TENM3: variants seen among roughly 807,000 people sequenced by gnomAD.
TENM3 encodes teneurin-3.
In TENM3, 63 loss-of-function variants were observed where a neutral mutation model predicts 255.1. The ratio of observed to expected loss-of-function variants is 0.25; its 90% CI spans 0.20 to 0.30. The LOEUF (loss-of-function observed/expected upper bound fraction) is 0.30. Ranked by LOEUF, TENM3 falls within the 10% of genes least tolerant of loss-of-function variation. The pLI is 1.00. For missense variants in TENM3, 2,929 were observed against 3,461.1 expected (o/e 0.85, Z 3.86); for synonymous variants, 1,306 against 1,322.3 (o/e 0.99, Z 0.27).
the TENM3 span, among the ~76,000 whole-genome samples, chr4:181,621,630 A>C: frequency 6.6e-6 from 1 of 152,342 alleles, no homozygotes; most frequent in Admixed American, 6.5e-5. Context: ...CACACAAAAA[A>C]ATCATTTAAT....
rs1439322633 is a variant in TENM3 at position 182,793,330 on chromosome 4, G to A, written c.6658G>A (p.Gly2220Ser). 1 of 1,613,668 alleles carries A rather than the reference G, an allele frequency of 6.2e-7. No individual in the cohort carries two copies. Among genetic ancestry groups the A allele is most frequent in the East Asian group, 2.2e-5 (1 of 44,890 alleles). Residue 2220 changes from glycine to serine, a missense_variant, in exon 26 of 28, where the codon GGC (glycine) becomes AGC (serine). By Grantham distance (56) the Gly-to-Ser change is moderately conservative. Around this residue, in one of 6 missense-constraint regions of TENM3, gnomAD observed 256 missense variants for 389.3 expected, o/e 0.66. Coordinates refer to ENST00000511685, the MANE Select transcript of TENM3 (RefSeq NM_001080477.4). The surrounding 1 kb of genome is among the most constrained non-coding windows in gnomAD (Gnocchi z 5.7). ...KGLLTRVYSK[G>S]SGWTVIYRYD... ...GCTTCTAACTCGAGTTTACAGTAAA[G>A]GCAGTGGCTGGACAGTGATCTACCG...
At chr4:181,490,502 A>G in the TENM3 span, among the ~76,000 whole-genome samples, 2 of 152,328 alleles carry the variant, frequency 1.3e-5, no homozygotes, top group African/African-American at 4.8e-5. Flanking sequence ...ATCAGTTAAT[A>G]CAATAAAGCA....
At chr4:182,597,943 G>A (rs1747426951) in intron 3 of TENM3, among the ~76,000 whole-genome samples, 1 of 152,186 alleles carries the variant, frequency 6.6e-6, no homozygotes, top group African/African-American at 2.4e-5. Flanking sequence ...ACCTTCAGAG[G>A]CCAAGGCTGG....
the TENM3 span, among the ~76,000 whole-genome samples, chr4:181,588,114 C>T: frequency 6.6e-6 from 1 of 152,090 alleles, no homozygotes; most frequent in African/African-American, 2.4e-5. Flanking sequence ...CCAGACATGC[C>T]AAGTTGCCCA....
At chr4:181,994,126 G>C in the TENM3 span, among the ~76,000 whole-genome samples, 1 of 152,126 alleles carries the variant, frequency 6.6e-6, no homozygotes, top group South Asian at 2.1e-4. Context: ...CAATTGTAAA[G>C]TTGTAATGAA....
At chr4:181,878,743 CCATCCATCCATCCATGCGTG>C in the TENM3 span, among the ~76,000 whole-genome samples, 1 of 151,748 alleles carries the variant, frequency 6.6e-6, no homozygotes, top group Non-Finnish European at 1.5e-5. Context: ...TATCATCTTC[CCATCCATCCATCCATGCGTG>C]CATCCATCCA....
At chr4:181,997,497 T>C in the TENM3 span, among the ~76,000 whole-genome samples, 219 of 152,260 alleles carry the variant, frequency 1.4e-3, no homozygotes, top group Non-Finnish European at 2.5e-3. Flanking sequence ...AGATGCCTAG[T>C]TGTGTGGCTC....
At chr4:182,745,345 T>C (rs1220137901) in intron 19 of TENM3, among the ~76,000 whole-genome samples, 1 of 152,236 alleles carries the variant, frequency 6.6e-6, no homozygotes, top group African/African-American at 2.4e-5. Context: ...GCTCTGCTAT[T>C]AGAAACCACA....
At chr4:182,240,800 A>G (rs2150063191), upstream of TENM3, among the ~76,000 whole-genome samples, 1 of 152,264 alleles carries the variant, frequency 6.6e-6, no homozygotes, top group East Asian at 1.9e-4. Flanking sequence ...CTGGGATGGA[A>G]TGCAGCTCCA....
intron 3 of TENM3, among the ~76,000 whole-genome samples, chr4:182,509,017 C>T (rs1464330476): frequency 6.6e-6 from 1 of 152,152 alleles, no homozygotes; most frequent in South Asian, 2.1e-4. Flanking sequence ...GCTTCTGATG[C>T]ACATGTAAAT....
At chr4:182,587,767 A>G (rs775093105) in intron 3 of TENM3, among the ~76,000 whole-genome samples, 1 of 152,116 alleles carries the variant, frequency 6.6e-6, no homozygotes, top group Admixed American at 6.5e-5. Context: ...TTATTTTTAC[A>G]ATTTGTTTAA....
intron 1 of TENM3, among the ~76,000 whole-genome samples, chr4:182,161,915 G>A (rs1333628587): frequency 0.35 from 1,991 of 5,708 alleles, 593 homozygotes; most frequent in Admixed American, 0.4. Flanking sequence ...ACACACACAT[G>A]TATGTGTATA....
the TENM3 span, among the ~76,000 whole-genome samples, chr4:181,836,498 T>C: frequency 3.3e-5 from 5 of 152,206 alleles, no homozygotes; most frequent in Non-Finnish European, 7.3e-5. Context: ...CAATTTCTTT[T>C]TTCATATGAA....
At chr4:181,842,545 C>T in the TENM3 span, among the ~76,000 whole-genome samples, 2 of 152,296 alleles carry the variant, frequency 1.3e-5, no homozygotes, top group East Asian at 1.9e-4. Context: ...ACTCCCTTTT[C>T]GCTGTTGCTT....
At chr4:182,505,527 G>A (rs1170884087) in intron 3 of TENM3, among the ~76,000 whole-genome samples, 1 of 151,942 alleles carries the variant, frequency 6.6e-6, no homozygotes, top group African/African-American at 2.4e-5. Context: ...TGCCCAGGCT[G>A]GAGTGCAATG....
chr4:181,794,271 T>TTGTG, the TENM3 span, among the ~76,000 whole-genome samples: 1 of 151,830 alleles, frequency 6.6e-6, no homozygotes, highest in Non-Finnish European at 1.5e-5. Context: ...ATCCTTGTGA[T>TTGTG]TGTGTGTGTG....
chr4:182,389,290 C>T (rs1768236271), intron 3 of TENM3, among the ~76,000 whole-genome samples: 2 of 151,834 alleles, frequency 1.3e-5, no homozygotes, highest in South Asian at 4.1e-4. Flanking sequence ...TACAAACTCT[C>T]TGCTCAGAAA....
the TENM3 span, among the ~76,000 whole-genome samples, chr4:181,660,489 G>A: frequency 6.6e-6 from 1 of 152,188 alleles, no homozygotes; most frequent in South Asian, 2.1e-4. Context: ...TAATCAAAAT[G>A]CAAAGCTGAT....
At chr4:182,719,348 G>A (rs1034623299) in intron 13 of TENM3, among the ~76,000 whole-genome samples, 10 of 121,646 alleles carry the variant, frequency 8.2e-5, no homozygotes, top group African/African-American at 2.5e-4. Context: ...TGCAACCTCC[G>A]CCTGCCGGGT....
Sources: gnomAD v4.1 joint callset for allele counts (sites outside exome capture counted in the v4.1 genomes callset) on GRCh38, gnomAD v4.1.1 for gene constraint, gnomAD v4.1.1 regional missense constraint, Gnocchi (gnomAD v3.1) non-coding constraint, MANE v1.5 for transcripts, NCBI Gene and HGNC (gene_info 2026-07-23, HGNC 2026-07-21) for gene names.